Variants in ZNF701 observed in about 807,000 individuals in gnomAD.
The protein encoded by ZNF701 is zinc finger protein 701.
ZNF701 carries 6 observed loss-of-function variants against 7.1 expected under a neutral mutation model. The ratio of observed to expected loss-of-function variants is 0.84; its 90% CI spans 0.46 to 1.66. The LOEUF is 1.66. Among genes scored for constraint, ZNF701 ranks in the 40% most tolerant of loss-of-function variants. The pLI, the probability that ZNF701 is intolerant of heterozygous loss-of-function variation, is 0.01. For synonymous variants in ZNF701, 166 were observed against 188.2 expected, an observed-to-expected ratio of 0.88 and a Z score of 0.97; for missense variants, 541 against 559.2, an observed-to-expected ratio of 0.97 and a Z score of 0.33.
Position 52,584,056 on chromosome 19 carries a change from A to G in ZNF701, c.*599A>G. On this transcript the variant is annotated 3_prime_UTR_variant, in exon 4 of 4. Transcript: ENST00000391785. ...AAACCTCACAAGTGTGATGATTGTG[A>G]GCAAAGCCTTTACTTCACGTTCACA... is the stretch of plus-strand genomic sequence containing the variant. 2.2e-6 allele frequency: 1 copy of G among 453,280 alleles called. No homozygotes were observed. Among genetic ancestry groups the G allele is most frequent in the Non-Finnish European group, 4.5e-6 (1 of 221,018 alleles). The allele number at this position is 453,280 out of a possible 1,614,324, so 28.1% of individuals were successfully genotyped here. A position where few individuals can be genotyped will look rare whatever the true frequency, so the allele number is the denominator to read the frequency against.
At chr19:52,594,033 G>A in the ZNF701 span, 11 of 128,902 alleles carry the variant, frequency 8.5e-5, 2 homozygotes, top group Non-Finnish European at 1.8e-4. Context: ...GCACCATTGA[G>A]CACTGAGTGA....
chr19:52,575,726 T>C, intron 2 of ZNF701, 169 bp from the exon 3 acceptor site: 1 of 495,782 alleles, frequency 2.0e-6, no homozygotes, highest in Non-Finnish European at 3.5e-6. Context: ...CTTCAGAAAG[T>C]ATAATCAAAC....
chr19:52,596,858 G>A, the ZNF701 span: 1 of 549,368 alleles, frequency 1.8e-6, no homozygotes. Context: ...TACTGTCTAA[G>A]GTTTCTAATC....
In ZNF701 at chr19:52,574,117, G is replaced by A; in HGVS notation, c.-31G>A. 1 of 1,612,290 alleles carries A rather than the reference G, an allele frequency of 6.2e-7. No homozygotes were observed. The highest frequency in any genetic ancestry group is 1.7e-5 in the Admixed American group (1 of 59,974). ...ACTTGGTACGTGAGGAAAAAACACG[G>A]AAGAGGAAGAGGAAAGCAAAGGAGT... On this transcript the variant is annotated 5_prime_UTR_variant, in exon 2 of 4. Coordinates refer to ENST00000391785, the MANE Select transcript of ZNF701 (RefSeq NM_018260.3).
Position 52,583,748 on chromosome 19 carries a change from A to C in ZNF701, c.*291A>C, listed in dbSNP as rs1007346031. The C allele has an allele frequency of 7.2e-6, 5 of 690,024 alleles. No individual in the cohort carries two copies. The highest frequency in any genetic ancestry group is 7.8e-6 in the Non-Finnish European group (3 of 382,230). 42.7% of individuals were successfully genotyped at this position (690,024 alleles called of 1,614,324 possible). A position where few individuals can be genotyped will look rare whatever the true frequency, so the allele number is the denominator to read the frequency against. ...GCAGAGCCTTTGGTGGTCAGTCAAC[A>C]CTTACTCACCATCAAGCAATCCATG... is the stretch of plus-strand genomic sequence containing the variant. On this transcript the variant is annotated 3_prime_UTR_variant, in exon 4 of 4. Coordinates refer to ENST00000391785, the MANE Select transcript of ZNF701 (RefSeq NM_018260.3).
In ZNF701 at chr19:52,574,179, G is replaced by A. The variant is rs1002106718; in HGVS notation, c.15+17G>A. 4 of 1,606,968 alleles carry A rather than the reference G, an allele frequency of 2.5e-6. No homozygotes were observed. The highest frequency in any genetic ancestry group is 1.3e-5 in the African/African-American group (1 of 74,780). ...CTTCTTCAGGTGAGATGATATTCTC[G>A]GGGGATTGTTCTGTCTCCTTCCTTT... On this transcript the variant is annotated intron_variant, in intron 2 of 3. Transcript: ENST00000391785.
downstream of ZNF701, among the ~76,000 whole-genome samples, chr19:52,589,880 G>A (rs2060030000): frequency 6.6e-6 from 1 of 151,926 alleles, no homozygotes; most frequent in Admixed American, 6.6e-5. Flanking sequence ...TCCAGCCTTT[G>A]TCACCTGGGT....
At chr19:52,591,966 C>A, downstream of ZNF701, 1 of 476,408 alleles carries the variant, frequency 2.1e-6, no homozygotes, top group East Asian at 3.5e-5. Flanking sequence ...AAAAACTGTT[C>A]AAAAATACCT....
chr19:52,573,253 A>G (rs1419977383), intron 1 of ZNF701: 1 of 152,836 alleles, frequency 6.5e-6, no homozygotes, highest in Admixed American at 6.6e-5. Flanking sequence ...TTTGTATTTT[A>G]TTTTATTTTT....
At chr19:52,572,598 C>G (rs1396811492) in intron 1 of ZNF701, 5 of 357,620 alleles carry the variant, frequency 1.4e-5, no homozygotes, top group Non-Finnish European at 2.7e-5. Flanking sequence ...CATCTTTTCA[C>G]TCATCTCAGA....
At position 52,583,075 on chromosome 19, in the gene ZNF701, C is replaced by G. The variant is rs867505522; in HGVS notation, c.1016C>G (p.Ser339Ter). The G allele has an allele frequency of 3.7e-6, 6 of 1,613,760 alleles. No homozygotes were observed. Among genetic ancestry groups the G allele is most frequent in the Non-Finnish European group, 4.2e-6 (5 of 1,179,924 alleles). ...EECDKVFSRK[S>*]HLERHRRIHT... ...TGTGACAAAGTTTTCAGTCGCAAAT[C>G]ACACCTTGAAAGACATAGGAGAATT... The change falls in exon 4 of 4, where the codon TCA (serine) becomes TGA (stop). Residue 339 changes from serine (S) to a stop codon, truncating the protein, a stop_gained. Coordinates refer to ENST00000391785, the MANE Select transcript of ZNF701 (RefSeq NM_018260.3). LOFTEE classifies it low-confidence loss of function (END_TRUNC).
the ZNF701 span, among the ~76,000 whole-genome samples, chr19:52,599,875 G>T: frequency 2.0e-5 from 3 of 152,184 alleles, no homozygotes; most frequent in African/African-American, 7.2e-5. Context: ...AAAGTTGTGG[G>T]TTAGGGTTTC....
At chr19:52,599,902 TGACGCTAGTTAGCTGACAC>T in the ZNF701 span, among the ~76,000 whole-genome samples, 2 of 152,184 alleles carry the variant, frequency 1.3e-5, no homozygotes, top group Non-Finnish European at 2.9e-5. Flanking sequence ...TCCCTCAGGA[TGACGCTAGTTAGCTGACAC>T]AGATGGTCAC....
intron 3 of ZNF701, among the ~76,000 whole-genome samples, chr19:52,580,236 C>A (rs1600081776): frequency 1.3e-5 from 2 of 151,790 alleles, no homozygotes; most frequent in African/African-American, 4.9e-5. Flanking sequence ...AGCCACCGCG[C>A]CCAGCCTTTT....
intron 1 of ZNF701, among the ~76,000 whole-genome samples, chr19:52,571,803 G>A (rs1182469219): frequency 6.6e-6 from 1 of 151,752 alleles, no homozygotes; most frequent in Non-Finnish European, 1.5e-5. Flanking sequence ...GCAATGGTGT[G>A]ATCTTGGGTC....
intron 3 of ZNF701, among the ~76,000 whole-genome samples, chr19:52,580,965 A>G (rs2059971465): frequency 1.2e-5 from 1 of 80,364 alleles, no homozygotes. Flanking sequence ...CTCTACTAAA[A>G]ATATAAAAAT....
At position 52,582,998 on chromosome 19, in the gene ZNF701, T is replaced by G. The variant is rs959149258; in HGVS notation, c.939T>G (p.Leu313=). 6.2e-7 allele frequency: 1 copy of G among 1,613,840 alleles called. No homozygotes were observed. The highest frequency in any genetic ancestry group is 1.3e-5 in the African/African-American group (1 of 74,862). Residue 313 remains leucine (L), a synonymous_variant, in exon 4 of 4, where the codon CTT becomes CTG. Coordinates refer to ENST00000391785, the MANE Select transcript of ZNF701 (RefSeq NM_018260.3). ...CGKVFNQQSN[L]ARHHRVHTGE... ...AGGTTTTTAATCAACAATCAAACCTTGCACGTCATCATAGAGTTCATACTG... is the reference window on the plus strand; with the variant it reads ...AGGTTTTTAATCAACAATCAAACCTGGCACGTCATCATAGAGTTCATACTG...
intron 2 of ZNF701, among the ~76,000 whole-genome samples, chr19:52,575,270 AC>A (rs2059926537): frequency 6.6e-6 from 1 of 151,984 alleles, no homozygotes; most frequent in Non-Finnish European, 1.5e-5. Flanking sequence ...TGCCTGGCCT[AC>A]TTTTTGTATT....
chr19:52,587,890 A>G (rs1194459418), downstream of ZNF701, among the ~76,000 whole-genome samples: 4 of 152,106 alleles, frequency 2.6e-5, no homozygotes, highest in Non-Finnish European at 5.9e-5. Flanking sequence ...TTTCCTCCAT[A>G]TTGAGAACTG....
Sources: allele counts gnomAD v4.1 joint callset (sites outside exome capture counted in the v4.1 genomes callset), GRCh38; gene constraint gnomAD v4.1.1; transcripts MANE v1.5; gene names NCBI Gene and HGNC (gene_info 2026-07-23, HGNC 2026-07-21).